Variants in VRK1 observed in about 807,000 individuals in gnomAD.
VRK1 encodes VRK serine/threonine kinase 1.
A neutral mutation model predicts 57.1 loss-of-function variants in VRK1; 33 were observed. The ratio of observed to expected loss-of-function variants is 0.58; its 90% CI spans 0.44 to 0.77. The LOEUF (loss-of-function observed/expected upper bound fraction) is 0.77, where lower values mean the gene tolerates loss of function less well. Among genes scored for constraint, VRK1 ranks in the 30% least tolerant of loss-of-function variants. VRK1 has a pLI of 0.00. For synonymous variants in VRK1, 137 were observed against 147.8 expected (o/e 0.93, Z 0.53); for missense variants, 413 against 477.3 (o/e 0.87, Z 1.25).
intron 1 of VRK1, among the ~76,000 whole-genome samples, chr14:96,816,437 C>G (rs1886398477): frequency 6.6e-6 from 1 of 152,124 alleles, no homozygotes; most frequent in African/African-American, 2.4e-5. Flanking sequence ...ACAGAATTAC[C>G]CTACTTCCTG....
At chr14:96,856,708 C>T in intron 10 of VRK1, 122 bp downstream of exon 10, 1 of 830,954 alleles carries the variant, frequency 1.2e-6, no homozygotes, top group Non-Finnish European at 2.0e-6. Flanking sequence ...GTGGCTCACA[C>T]CTGTAATCCC....
At chr14:96,875,642 G>T (rs996814631) in intron 11 of VRK1, among the ~76,000 whole-genome samples, 1 of 152,164 alleles carries the variant, frequency 6.6e-6, no homozygotes, top group Admixed American at 6.5e-5. Context: ...GTTGTACAAT[G>T]TGGAGAGTAT....
At chr14:96,804,798 A>C (rs1885804279) in intron 1 of VRK1, among the ~76,000 whole-genome samples, 3 of 152,222 alleles carry the variant, frequency 2.0e-5, no homozygotes. Context: ...GAAAGCTAAA[A>C]AAGTGGTGTT....
chr14:96,856,758 G>T (rs1888172680), intron 10 of VRK1, among the ~76,000 whole-genome samples, 172 bp downstream of exon 10: 1 of 152,156 alleles, frequency 6.6e-6, no homozygotes, highest in Non-Finnish European at 1.5e-5. Flanking sequence ...CACGAGGTCA[G>T]GAGATCAAGA....
intron 3 of VRK1, among the ~76,000 whole-genome samples, chr14:96,841,452 A>G (rs1006039258): frequency 1.3e-5 from 2 of 152,042 alleles, no homozygotes; most frequent in South Asian, 2.1e-4. Context: ...ATCCTTTATT[A>G]CTTCTTCTCT....
intron 5 of VRK1, among the ~76,000 whole-genome samples, chr14:96,850,907 G>A (rs1178968082): frequency 6.6e-6 from 1 of 152,048 alleles, no homozygotes; most frequent in Non-Finnish European, 1.5e-5. Context: ...TAATTTTGGA[G>A]CACTTCTGAT....
intron 1 of VRK1, among the ~76,000 whole-genome samples, chr14:96,807,129 G>A (rs1324585765): frequency 6.6e-6 from 1 of 152,196 alleles, no homozygotes; most frequent in Non-Finnish European, 1.5e-5. Context: ...GGGATGTTTA[G>A]TGGCATCTCT....
At chr14:96,799,522 G>T (rs1427404057) in intron 1 of VRK1, among the ~76,000 whole-genome samples, 1 of 151,868 alleles carries the variant, frequency 6.6e-6, no homozygotes, top group African/African-American at 2.4e-5. Context: ...AAATATTTTT[G>T]ATTTGAAAAA....
chr14:96,802,403 C>T lies in VRK1; in HGVS notation c.-6+4956C>T, dbSNP rs558096384. ...GGTTAAATAAAATGTGATAGTCTTG[C>T]GGTAGAACACCACCATCAAAAAAAG... On this transcript the variant is annotated intron_variant, in intron 1 of 12. Transcript: ENST00000216639. 5.9e-5 allele frequency among the ~76,000 whole-genome samples: 9 copies of T among 152,234 alleles called. No individual in the cohort carries two copies. The East Asian group carries it at 1.2e-3, about 20-fold the overall frequency.
intron 11 of VRK1, among the ~76,000 whole-genome samples, chr14:96,868,888 C>T (rs544959504): frequency 9.2e-5 from 14 of 151,436 alleles, no homozygotes; most frequent in East Asian, 5.8e-4. Flanking sequence ...CCGCAGCCAC[C>T]GGGTTCAAGC....
In VRK1 at chr14:96,825,561, A is replaced by G. The variant is rs575358222; in HGVS notation, c.-5-7906A>G. On this transcript the variant is annotated intron_variant, in intron 1 of 12. Coordinates refer to ENST00000216639, the MANE Select transcript of VRK1 (RefSeq NM_003384.3). ...ACGAGGAGCTTATAAGCTTATAGGG[A>G]AAGTTATTTGTCACATGCAATAAGA... 2.6e-5 allele frequency among the ~76,000 whole-genome samples: 4 copies of G among 152,308 alleles called. No individual in the cohort carries two copies. In the East Asian group the frequency reaches 5.8e-4, roughly 22 times the overall value.
chr14:96,831,284 G>A (rs1254856033), intron 1 of VRK1, among the ~76,000 whole-genome samples: 1 of 152,168 alleles, frequency 6.6e-6, no homozygotes, highest in African/African-American at 2.4e-5. Flanking sequence ...CGTTTGGTTG[G>A]AGAGGTTGTC....
chr14:96,881,218 T>C lies in VRK1; in HGVS notation c.*10T>C, dbSNP rs905475210. On this transcript the variant is annotated 3_prime_UTR_variant, in exon 13 of 13. Coordinates refer to ENST00000216639, the MANE Select transcript of VRK1 (RefSeq NM_003384.3). ...GAGAGTCCAGAAGTAATTCAGATGC[T>C]GTGAACCAGATTTCCTTTTCTTTGT... 1.2e-6 allele frequency: 2 copies of C among 1,601,176 alleles called. No individual in the cohort carries two copies. The highest frequency in any genetic ancestry group is 1.7e-6 in the Non-Finnish European group (2 of 1,172,714).
intron 12 of VRK1, among the ~76,000 whole-genome samples, chr14:96,879,942 A>T (rs1330279157): frequency 6.6e-6 from 1 of 151,624 alleles, no homozygotes; most frequent in Non-Finnish European, 1.5e-5. Context: ...AAAAAATAAT[A>T]ATAATAAAAA....
intron 4 of VRK1, 101 bp downstream of exon 4, chr14:96,846,265 TA>T: frequency 8.3e-7 from 1 of 1,198,688 alleles, no homozygotes; most frequent in South Asian, 1.3e-5. Context: ...GACTCTTTGT[TA>T]TTTTTTTGCT....
intron 12 of VRK1, 94 bp from the exon 13 acceptor site, chr14:96,881,083 G>A (rs973961992): frequency 2.2e-6 from 2 of 894,046 alleles, no homozygotes; most frequent in African/African-American, 3.4e-5. Flanking sequence ...ATTTTAAAAT[G>A]TTAATAACTA....
At chr14:96,823,678 A>G (rs1595652810) in intron 1 of VRK1, among the ~76,000 whole-genome samples, 1 of 152,358 alleles carries the variant, frequency 6.6e-6, no homozygotes, top group Middle Eastern at 3.4e-3. Flanking sequence ...AAGTGTACAC[A>G]GTAGCGTTAA....
chr14:96,821,169 T>C (rs530459667), intron 1 of VRK1, among the ~76,000 whole-genome samples: 1 of 152,334 alleles, frequency 6.6e-6, no homozygotes, highest in South Asian at 2.1e-4. Context: ...TTTTTGAGAC[T>C]AAAGGTTGCA....
At chr14:96,814,079 A>G (rs1032959663) in intron 1 of VRK1, among the ~76,000 whole-genome samples, 1 of 152,168 alleles carries the variant, frequency 6.6e-6, no homozygotes, top group African/African-American at 2.4e-5. Flanking sequence ...CATAAGAGCT[A>G]TAAATTCTAG....
Sources: allele counts gnomAD v4.1 joint callset (sites outside exome capture counted in the v4.1 genomes callset), GRCh38; gene constraint gnomAD v4.1.1; transcripts MANE v1.5; gene names NCBI Gene and HGNC (gene_info 2026-07-23, HGNC 2026-07-21).